PTPN14: variants seen among roughly 807,000 people sequenced by gnomAD.
The protein encoded by PTPN14 is protein tyrosine phosphatase non-receptor type 14.
A neutral mutation model predicts 126.8 loss-of-function variants in PTPN14; 53 were observed. The observed-to-expected ratio is 0.42, with a 90% confidence interval of 0.34 to 0.53. PTPN14 has a LOEUF of 0.53. Among genes scored for constraint, PTPN14 ranks in the 20% least tolerant of loss-of-function variants. The pLI is 0.08. For missense variants in PTPN14, 1,257 were observed against 1,552.9 expected, an observed-to-expected ratio of 0.81 and a Z score of 3.20; for synonymous variants, 630 against 599.3, an observed-to-expected ratio of 1.05 and a Z score of -0.75.
chr1:214,532,333 A>T (rs6665957), intron 1 of PTPN14: 1 of 537,008 alleles, frequency 1.9e-6, no homozygotes, highest in South Asian at 1.8e-5. Context: ...GTGTCCTGCT[A>T]CACCAGCTTC....
Position 214,384,259 on chromosome 1 carries a change from G to C in PTPN14, c.1596C>G (p.Ala532=). 1 of 1,614,154 alleles carries C rather than the reference G, an allele frequency of 6.2e-7. No homozygotes were observed. The highest frequency in any genetic ancestry group is 8.5e-7 in the Non-Finnish European group (1 of 1,180,040). Reference sequence around the variant, plus strand: ...CTGGGGTGCTCACCGTGTGCGAGATGGCGCTTGCCCCCGGCTTGCTTGGTA... The same window carrying C: ...CTGGGGTGCTCACCGTGTGCGAGATCGCGCTTGCCCCCGGCTTGCTTGGTA... ...NVVPSKPGAS[A]ISHTVSTPEL... is the part of the protein sequence containing the mutation. Residue 532 remains alanine, a synonymous_variant, in exon 13 of 19, where the codon GCC becomes GCG. Transcript: ENST00000366956. The surrounding 1 kb of genome is among the most constrained non-coding windows in gnomAD (Gnocchi z 5.3).
intron 17 of PTPN14, among the ~76,000 whole-genome samples, chr1:214,368,196 T>TTTTATTTATTTATTTA (rs142403379): frequency 0.48 from 69,661 of 146,004 alleles, 17,088 homozygotes; most frequent in Non-Finnish European, 0.52. Flanking sequence ...TGTTATTCGT[T>TTTTATTTATTTATTTA]TTTATTTATT....
intron 1 of PTPN14, among the ~76,000 whole-genome samples, chr1:214,537,195 G>T (rs1048903273): frequency 2.0e-5 from 3 of 152,182 alleles, no homozygotes; most frequent in Non-Finnish European, 4.4e-5. Context: ...AACATCAATG[G>T]TTTTTACTAT....
chr1:214,373,476 C>T (rs902079770), intron 15 of PTPN14, among the ~76,000 whole-genome samples: 6 of 151,792 alleles, frequency 4.0e-5, no homozygotes, highest in Non-Finnish European at 8.8e-5. Flanking sequence ...TTACTTGTTA[C>T]AGAAATAATA....
chr1:214,388,906 G>C (rs1658687057), intron 11 of PTPN14, among the ~76,000 whole-genome samples: 1 of 151,836 alleles, frequency 6.6e-6, no homozygotes. Flanking sequence ...AACAATGCTT[G>C]ATCTTCAAAG....
intron 3 of PTPN14, among the ~76,000 whole-genome samples, chr1:214,433,379 G>A (rs1360591268): frequency 6.6e-6 from 1 of 151,920 alleles, no homozygotes. Flanking sequence ...GGAAGTGGGG[G>A]GCTCTGGTGA....
chr1:214,516,788 C>T (rs568545133), intron 1 of PTPN14, among the ~76,000 whole-genome samples: 262 of 152,126 alleles, frequency 1.7e-3, no homozygotes, highest in Non-Finnish European at 2.4e-3. Context: ...AAGTGTTCCA[C>T]CTAGGGAAAT....
At chr1:214,438,983 A>G (rs184231598) in intron 3 of PTPN14, among the ~76,000 whole-genome samples, 1 of 152,356 alleles carries the variant, frequency 6.6e-6, no homozygotes, top group African/African-American at 2.4e-5. Flanking sequence ...GAGTTTACAG[A>G]GCCTGACCAA....
chr1:214,530,153 G>C (rs1208234080), intron 1 of PTPN14: 1 of 151,878 alleles, frequency 6.6e-6, no homozygotes, highest in East Asian at 1.9e-4. Flanking sequence ...TTCACTAGTA[G>C]GCCAACATTC....
intron 3 of PTPN14, among the ~76,000 whole-genome samples, chr1:214,436,862 T>C (rs1374627796): frequency 2.0e-5 from 3 of 151,340 alleles, no homozygotes; most frequent in African/African-American, 7.3e-5. Flanking sequence ...CAAGTACTCT[T>C]AACAAGAGTC....
intron 1 of PTPN14, among the ~76,000 whole-genome samples, chr1:214,505,241 C>A (rs898198359): frequency 6.6e-6 from 1 of 151,906 alleles, no homozygotes; most frequent in Admixed American, 6.6e-5. Flanking sequence ...CACCTGACAC[C>A]TACATTCAAT....
chr1:214,376,147 T>C, intron 15 of PTPN14, 72 bp downstream of exon 15: 1 of 1,416,248 alleles, frequency 7.1e-7, no homozygotes, highest in Non-Finnish European at 9.8e-7. Flanking sequence ...GCCCACACAT[T>C]TTCTTCTCCC....
At chr1:214,488,783 TAAG>T (rs1661170200) in intron 1 of PTPN14, among the ~76,000 whole-genome samples, 1 of 152,192 alleles carries the variant, frequency 6.6e-6, no homozygotes, top group South Asian at 2.1e-4. Flanking sequence ...CAGCTGTGCT[TAAG>T]AAGATTTTTG....
At position 214,395,005 on chromosome 1, in the gene PTPN14, A is replaced by G. The variant is rs768362567; in HGVS notation, c.759-19T>C. The G allele has an allele frequency of 3.2e-6, 5 of 1,581,978 alleles. No individual in the cohort carries two copies. The Admixed American group carries it at 8.3e-5, about 26-fold the overall frequency. On this transcript the variant is annotated intron_variant, in intron 8 of 18. Transcript: ENST00000366956. ...ATTCCACCTGGTTAGAAGAAATGTC[A>G]CTGTGTTTACTCAACAATGTTCCAG...
intron 3 of PTPN14, among the ~76,000 whole-genome samples, chr1:214,421,962 T>TGGC (rs1176211937): frequency 6.6e-6 from 1 of 152,174 alleles, no homozygotes; most frequent in African/African-American, 2.4e-5. Context: ...TCTCCTGCAC[T>TGGC]GGCACCAGCG....
intron 12 of PTPN14, among the ~76,000 whole-genome samples, chr1:214,386,174 T>C (rs1163868029): frequency 1.1e-4 from 17 of 152,222 alleles, no homozygotes; most frequent in Admixed American, 1.1e-3. Flanking sequence ...ATAATAATAG[T>C]ACCTATAGGT....
intron 2 of PTPN14, among the ~76,000 whole-genome samples, chr1:214,462,554 G>C (rs941542909): frequency 1.3e-5 from 2 of 152,178 alleles, no homozygotes; most frequent in African/African-American, 4.8e-5. Context: ...TTTTGGTTCA[G>C]AGTGAAGGCT....
intron 1 of PTPN14, among the ~76,000 whole-genome samples, chr1:214,506,953 T>C (rs1431697996): frequency 6.6e-6 from 1 of 151,840 alleles, no homozygotes. Context: ...AGGACCACTT[T>C]ATATTGTCTC....
At chr1:214,539,896 G>A (rs1166632509) in intron 1 of PTPN14, among the ~76,000 whole-genome samples, 2 of 152,120 alleles carry the variant, frequency 1.3e-5, no homozygotes, top group Admixed American at 1.3e-4. Flanking sequence ...CTGCTCAGCA[G>A]AAGCACTGCA....
Sources: gnomAD v4.1 joint callset for allele counts (sites outside exome capture counted in the v4.1 genomes callset) on GRCh38, gnomAD v4.1.1 for gene constraint, Gnocchi (gnomAD v3.1) non-coding constraint, MANE v1.5 for transcripts, NCBI Gene and HGNC (gene_info 2026-07-23, HGNC 2026-07-21) for gene names.